Variants in IFNAR1 observed in about 807,000 individuals in gnomAD.
IFNAR1 encodes the protein interferon alpha and beta receptor subunit 1.
A neutral mutation model predicts 62.1 loss-of-function variants in IFNAR1; 47 were observed. The ratio of observed to expected loss-of-function variants is 0.76; its 90% CI spans 0.60 to 0.97. IFNAR1 has a LOEUF of 0.97. Among genes scored for constraint, IFNAR1 ranks in the 50% least tolerant of loss-of-function variants. The probability of loss-of-function intolerance (pLI) is 0.00; values close to 1 mark genes in which losing one functional copy is unlikely to be tolerated. For synonymous variants in IFNAR1, 219 were observed against 226.9 expected (o/e 0.97, Z 0.31); for missense variants, 638 against 654.5 (o/e 0.97, Z 0.27).
At chr21:33,324,479 T>A (rs1244393679), upstream of IFNAR1, 1 of 153,306 alleles carries the variant, frequency 6.5e-6, no homozygotes, top group East Asian at 1.9e-4. Flanking sequence ...CGCTGGGGAC[T>A]CCCAACGCCA....
chr21:33,349,872 C>G (rs532424125), intron 8 of IFNAR1, among the ~76,000 whole-genome samples: 140 of 151,706 alleles, frequency 9.2e-4, no homozygotes, highest in Non-Finnish European at 1.8e-3. Flanking sequence ...GAGCCATGAT[C>G]GTGCCACTGC....
intron 1 of IFNAR1, among the ~76,000 whole-genome samples, chr21:33,327,533 G>A (rs2083137818): frequency 6.6e-6 from 1 of 152,188 alleles, no homozygotes. Flanking sequence ...TCCTGAGTCT[G>A]GACTAATAGC....
chr21:33,347,131 CTTTTT>C (rs5843597), intron 6 of IFNAR1, among the ~76,000 whole-genome samples: 2 of 132,294 alleles, frequency 1.5e-5, no homozygotes. Flanking sequence ...CCTCTAGATC[CTTTTT>C]TTTTTTTTTT....
rs200831107 is a variant in IFNAR1, at chr21:33,343,395, T to C, written c.504T>C (p.Val168=). ...GTTTAAGCTTTACATATAGCTTAGT[T>C]ATCTGGAAAAACTCTTCAGGTGTAG... ...LDGLSFTYSL[V]IWKNSSGVEE... The change falls in exon 4 of 11, where the codon GTT becomes GTC. Residue 168 remains valine, a synonymous_variant. Transcript: ENST00000270139. The C allele has an allele frequency of 4.1e-4, 658 of 1,612,614 alleles. 7 individuals are homozygous for C. The highest frequency in any genetic ancestry group is 3.8e-3 in the Middle Eastern group (23 of 6,060).
At position 33,349,506 on chromosome 21, in the gene IFNAR1, A is replaced by G. The variant is rs760199149; in HGVS notation, c.1106A>G (p.Tyr369Cys). The change falls in exon 8 of 11, where the codon TAT becomes TGT. Residue 369 changes from tyrosine (Y) to cysteine (C), a missense_variant. Physicochemically the swap from Tyr to Cys is radical, Grantham distance 194. Transcript: ENST00000270139. ...GTGATCCAGGATTATCCACTGATTT[A>G]TGAAATTATTTTTTGGGAAAACACT... ...TPVIQDYPLIYEIIFWENTSN... is the reference protein window; with the variant it reads ...TPVIQDYPLICEIIFWENTSN... 1 of 1,611,998 alleles carries G rather than the reference A, an allele frequency of 6.2e-7. No homozygotes were observed. The highest frequency in any genetic ancestry group is 1.1e-5 in the South Asian group (1 of 90,846).
At chr21:33,340,870 A>C in intron 2 of IFNAR1, 129 bp from the exon 3 acceptor site, 3 of 621,380 alleles carry the variant, frequency 4.8e-6, no homozygotes, top group Non-Finnish European at 5.6e-6. Context: ...TTAAACCAAA[A>C]ATAGAAATAA....
chr21:33,344,050 C>T (rs2083320598), intron 5 of IFNAR1, among the ~76,000 whole-genome samples: 1 of 152,054 alleles, frequency 6.6e-6, no homozygotes, highest in Admixed American at 6.6e-5. Flanking sequence ...ACTTGGGAGG[C>T]TGAGGCACAA....
At chr21:33,343,156 T>G in intron 3 of IFNAR1, 112 bp from the exon 4 acceptor site, 1 of 818,652 alleles carries the variant, frequency 1.2e-6, no homozygotes. Flanking sequence ...CTGTATGCTC[T>G]TAACTCCCAG....
At chr21:33,354,813 G>A (rs1240780227) in intron 10 of IFNAR1, among the ~76,000 whole-genome samples, 4 of 152,074 alleles carry the variant, frequency 2.6e-5, no homozygotes, top group Non-Finnish European at 5.9e-5. Flanking sequence ...AAAATGCTCC[G>A]TAAATATTAA....
At chr21:33,339,956 CT>C (rs909840677) in intron 2 of IFNAR1, among the ~76,000 whole-genome samples, 2 of 145,544 alleles carry the variant, frequency 1.4e-5, no homozygotes, top group African/African-American at 5.0e-5. Context: ...AAAAAGAAAT[CT>C]GCTAAGTTCG....
At chr21:33,337,090 G>T (rs1211535344) in intron 2 of IFNAR1, among the ~76,000 whole-genome samples, 1 of 151,864 alleles carries the variant, frequency 6.6e-6, no homozygotes, top group Non-Finnish European at 1.5e-5. Flanking sequence ...GGGCATGGTG[G>T]CATGTGTCTG....
At chr21:33,347,636 C>A (rs1389941129) in intron 6 of IFNAR1, among the ~76,000 whole-genome samples, 3 of 152,156 alleles carry the variant, frequency 2.0e-5, no homozygotes, top group South Asian at 2.1e-4. Context: ...TTTGATTCAA[C>A]TGATTTGGGA....
chr21:33,358,181 A>G lies in IFNAR1; in HGVS notation c.*2632A>G, dbSNP rs1327094123. ...TGAGCACCAGCAGCAGAAAACAACA[A>G]CAAAAAAACACCTCGTTTTTACCTT... On this transcript the variant is annotated 3_prime_UTR_variant, in exon 11 of 11. Coordinates refer to ENST00000270139, the MANE Select transcript of IFNAR1 (RefSeq NM_000629.3). 6.6e-6 allele frequency: 1 copy of G among 152,250 alleles called. No individual in the cohort carries two copies. Among genetic ancestry groups the G allele is most frequent in the Non-Finnish European group, 1.5e-5 (1 of 68,034 alleles). The allele number at this position is 152,250 out of a possible 1,614,324, so 9.4% of individuals were successfully genotyped here.
intron 6 of IFNAR1, among the ~76,000 whole-genome samples, chr21:33,346,239 A>C (rs1255433636): frequency 6.6e-6 from 1 of 152,222 alleles, no homozygotes; most frequent in Non-Finnish European, 1.5e-5. Context: ...AAGAGATGGA[A>C]AGAAAGATAT....
At chr21:33,355,020 G>A (rs1601037343) in intron 10 of IFNAR1, among the ~76,000 whole-genome samples, 1 of 151,020 alleles carries the variant, frequency 6.6e-6, no homozygotes, top group South Asian at 2.1e-4. Context: ...CCCAGAGTCC[G>A]CCCGCTCCTG....
rs1024448976 is a variant in IFNAR1, at chr21:33,359,741, A to T, written c.*4192A>T. ...TTGTATTCAGGCTGGGAACCTGAAC[A>T]CACACTTGTGTTTTTAAGCTTCCCT... On this transcript the variant is annotated 3_prime_UTR_variant, in exon 11 of 11. Transcript: ENST00000270139. 3 of 152,208 alleles carry T rather than the reference A, an allele frequency of 2.0e-5. No individual in the cohort carries two copies. Among genetic ancestry groups the T allele is most frequent in the African/African-American group, 7.2e-5 (3 of 41,442 alleles). The allele number at this position is 152,208 out of a possible 1,614,324, so 9.4% of individuals were successfully genotyped here.
intron 6 of IFNAR1, among the ~76,000 whole-genome samples, chr21:33,345,986 A>C (rs764363672): frequency 1.3e-5 from 2 of 152,234 alleles, no homozygotes; most frequent in African/African-American, 4.8e-5. Flanking sequence ...CAGTGGGCTG[A>C]GGCAGGAGGA....
Position 33,349,114 on chromosome 21 carries a change from G to A in IFNAR1, c.812G>A (p.Gly271Glu). The A allele has an allele frequency of 6.3e-7, 1 of 1,599,664 alleles. No homozygotes were observed. Among genetic ancestry groups the A allele is most frequent in the Non-Finnish European group, 8.5e-7 (1 of 1,172,988 alleles). Residue 271 changes from glycine to glutamate, a missense_variant, in exon 7 of 11, where the codon GGA becomes GAA. Physicochemically the swap from Gly to Glu is moderately conservative, Grantham distance 98. Transcript: ENST00000270139. ...AGCGCCTTTTTAAAAAGGAATCCTGGAAACCATTTGTATAAATGGAAACAA... is the reference window on the plus strand; with the variant it reads ...AGCGCCTTTTTAAAAAGGAATCCTGAAAACCATTTGTATAAATGGAAACAA... ...WLHAFLKRNP[G>E]NHLYKWKQIP...
At position 33,343,647 on chromosome 21, in the gene IFNAR1, A is replaced by G. The variant is rs201091204; in HGVS notation, c.644A>G (p.Tyr215Cys). The change falls in exon 5 of 11, where the codon TAT becomes TGT. Residue 215 changes from tyrosine (Y) to cysteine (C), a missense_variant. Physicochemically the swap from Tyr to Cys is radical, Grantham distance 194 (BLOSUM62 -2). Coordinates refer to ENST00000270139, the MANE Select transcript of IFNAR1 (RefSeq NM_000629.3). ...CTTACGTCATGGAAAATTGGTGTCT[A>G]TAGTCCAGTACATTGTATAAAGACC... Reference protein sequence around the residue: ...ALLTSWKIGVYSPVHCIKTTV... With the variant: ...ALLTSWKIGVCSPVHCIKTTV... The G allele has an allele frequency of 5.2e-5, 84 of 1,608,590 alleles. No individual in the cohort carries two copies. The highest frequency in any genetic ancestry group is 4.9e-4 in the Middle Eastern group (3 of 6,066).
Sources: allele counts gnomAD v4.1 joint callset (sites outside exome capture counted in the v4.1 genomes callset), GRCh38; gene constraint gnomAD v4.1.1; transcripts MANE v1.5; gene names NCBI Gene and HGNC (gene_info 2026-07-23, HGNC 2026-07-21).